CNTNAP2: variants seen among roughly 807,000 people sequenced by gnomAD.
The protein encoded by CNTNAP2 is contactin associated protein 2, also known as contactin-associated protein-like 2.
A neutral mutation model predicts 155.2 loss-of-function variants in CNTNAP2; 98 were observed. That is an observed-to-expected ratio of 0.63 (90% confidence interval 0.54 to 0.75). The LOEUF (loss-of-function observed/expected upper bound fraction) is 0.75, where lower values mean the gene tolerates loss of function less well. Among genes scored for constraint, CNTNAP2 ranks in the 30% least tolerant of loss-of-function variants. The probability of loss-of-function intolerance (pLI) is 0.00; values close to 1 mark genes in which losing one functional copy is unlikely to be tolerated. For synonymous variants in CNTNAP2, 651 were observed against 631.2 expected, an observed-to-expected ratio of 1.03 and a Z score of -0.47; for missense variants, 1,727 against 1,688.1, an observed-to-expected ratio of 1.02 and a Z score of -0.40.
At chr7:147,160,805 G>T (rs995928252) in intron 8 of CNTNAP2, among the ~76,000 whole-genome samples, 6 of 152,100 alleles carry the variant, frequency 3.9e-5, no homozygotes, top group Non-Finnish European at 8.8e-5. Flanking sequence ...GCCATCAATA[G>T]ACACAGAATG....
chr7:148,363,650 G>T (rs187936925), intron 21 of CNTNAP2, among the ~76,000 whole-genome samples: 1 of 152,148 alleles, frequency 6.6e-6, no homozygotes, highest in Non-Finnish European at 1.5e-5. Flanking sequence ...AGGTGACAGC[G>T]TGCTGGCAGT....
intron 20 of CNTNAP2, among the ~76,000 whole-genome samples, chr7:148,262,015 G>T (rs1244349190): frequency 6.6e-6 from 1 of 152,120 alleles, no homozygotes; most frequent in Non-Finnish European, 1.5e-5. Flanking sequence ...TATATTGAAG[G>T]GTGCATTGGG....
intron 8 of CNTNAP2, among the ~76,000 whole-genome samples, chr7:147,145,346 G>T (rs185537033): frequency 6.6e-6 from 1 of 152,090 alleles, no homozygotes; most frequent in Admixed American, 6.5e-5. Context: ...GGAGAGTGGG[G>T]GGTAGGATGC....
At chr7:147,515,987 T>A (rs1193213939) in intron 11 of CNTNAP2, among the ~76,000 whole-genome samples, 1 of 152,170 alleles carries the variant, frequency 6.6e-6, no homozygotes, top group African/African-American at 2.4e-5. Context: ...CAAAGTAAAA[T>A]TTAAGTATAG....
At chr7:146,151,666 A>ATATG (rs1798047436) in intron 1 of CNTNAP2, among the ~76,000 whole-genome samples, 1 of 64,014 alleles carries the variant, frequency 1.6e-5, no homozygotes, top group Non-Finnish European at 2.9e-5. Flanking sequence ...ATATATATAT[A>ATATG]TATATATATA....
At chr7:148,086,223 G>T (rs530071210) in intron 15 of CNTNAP2, among the ~76,000 whole-genome samples, 89 of 152,240 alleles carry the variant, frequency 5.8e-4, no homozygotes, top group African/African-American at 2.1e-3. Flanking sequence ...GTTTTAGAAA[G>T]ACCTCTTTTG....
intron 1 of CNTNAP2, among the ~76,000 whole-genome samples, chr7:146,452,491 G>A (rs1221358435): frequency 6.6e-6 from 1 of 152,086 alleles, no homozygotes; most frequent in Non-Finnish European, 1.5e-5. Flanking sequence ...AAATTTGTTC[G>A]ATAACAGTGT....
At chr7:146,888,152 A>G (rs1795706161) in intron 3 of CNTNAP2, among the ~76,000 whole-genome samples, 1 of 152,112 alleles carries the variant, frequency 6.6e-6, no homozygotes, top group Non-Finnish European at 1.5e-5. Context: ...AATCTTTGAA[A>G]ATTATATAAT....
chr7:148,336,478 T>C (rs1798116594), intron 21 of CNTNAP2, among the ~76,000 whole-genome samples: 2 of 151,496 alleles, frequency 1.3e-5, no homozygotes, highest in African/African-American at 4.9e-5. Context: ...TAAAAAGAGA[T>C]TTCCAGTGGG....
chr7:146,945,289 A>G (rs1797140748), intron 3 of CNTNAP2, among the ~76,000 whole-genome samples: 3 of 152,170 alleles, frequency 2.0e-5, no homozygotes, highest in Non-Finnish European at 2.9e-5. Flanking sequence ...AACTTGTGTG[A>G]CTTAGCTATG....
intron 15 of CNTNAP2, among the ~76,000 whole-genome samples, chr7:148,099,688 A>G (rs1015100776): frequency 2.6e-5 from 4 of 151,932 alleles, no homozygotes; most frequent in Admixed American, 6.6e-5. Context: ...AGTAATGAAA[A>G]GGGTCTAACT....
intron 14 of CNTNAP2, among the ~76,000 whole-genome samples, chr7:147,927,396 A>T (rs2710081): frequency 0.047 from 7,080 of 152,240 alleles, 271 homozygotes; most frequent in East Asian, 0.13. Flanking sequence ...GTTTAATTTA[A>T]CCTAAGAGTT....
intron 1 of CNTNAP2, among the ~76,000 whole-genome samples, chr7:146,724,349 C>A (rs1348172955): frequency 2.0e-5 from 3 of 151,804 alleles, no homozygotes. Flanking sequence ...CAGTGTAATG[C>A]ATAGTAGAGC....
At chr7:147,073,307 GAATGTAAAAAAAAAA>G (rs1337672786) in intron 4 of CNTNAP2, among the ~76,000 whole-genome samples, 3 of 89,832 alleles carry the variant, frequency 3.3e-5, no homozygotes, top group African/African-American at 8.8e-5. Flanking sequence ...ACTAATGCAG[GAATGTAAAAAAAAAA>G]AAAAAACCAC....
intron 21 of CNTNAP2, among the ~76,000 whole-genome samples, chr7:148,324,183 C>A (rs957672949): frequency 3.3e-5 from 5 of 152,066 alleles, no homozygotes; most frequent in African/African-American, 1.2e-4. Context: ...CCACACCTGG[C>A]CTCTGAAACC....
At chr7:147,254,925 C>A (rs895766136) in intron 8 of CNTNAP2, among the ~76,000 whole-genome samples, 4 of 152,142 alleles carry the variant, frequency 2.6e-5, no homozygotes, top group African/African-American at 9.7e-5. Flanking sequence ...CAAAGAAATA[C>A]AATTATCTTG....
intron 1 of CNTNAP2, among the ~76,000 whole-genome samples, chr7:146,156,215 CTA>C (rs1798123692): frequency 6.6e-6 from 1 of 152,082 alleles, no homozygotes; most frequent in South Asian, 2.1e-4. Flanking sequence ...GAGTTTGTTA[CTA>C]TGTTATGTAC....
chr7:146,131,439 A>G (rs760169307), intron 1 of CNTNAP2, among the ~76,000 whole-genome samples: 1 of 152,206 alleles, frequency 6.6e-6, no homozygotes, highest in East Asian at 1.9e-4. Flanking sequence ...TTAGAGAGGT[A>G]TGCATTTATA....
intron 8 of CNTNAP2, among the ~76,000 whole-genome samples, chr7:147,284,252 G>A (rs969314382): frequency 6.6e-6 from 1 of 150,836 alleles, no homozygotes; most frequent in Non-Finnish European, 1.5e-5. Flanking sequence ...TTTTTAAGTA[G>A]TTAGCATGAA....
Sources: gnomAD v4.1 joint callset for allele counts (sites outside exome capture counted in the v4.1 genomes callset) on GRCh38, gnomAD v4.1.1 for gene constraint, MANE v1.5 for transcripts, NCBI Gene and HGNC (gene_info 2026-07-23, HGNC 2026-07-21) for gene names.